The following GLI2 variants were observed in gnomAD, a reference collection of about 807,000 sequenced individuals.
GLI2 encodes GLI family zinc finger 2.
GLI2 carries 22 observed loss-of-function variants against 78.9 expected under a neutral mutation model. That is an observed-to-expected ratio of 0.28 (90% CI 0.20 to 0.40). The LOEUF (loss-of-function observed/expected upper bound fraction) is 0.40. GLI2 is among the 10% of genes least tolerant of loss of function. GLI2 has a pLI of 1.00. For missense variants in GLI2, 2,097 were observed against 2,213.2 expected, an observed-to-expected ratio of 0.95 and a Z score of 1.05; for synonymous variants, 974 against 963.7, an observed-to-expected ratio of 1.01 and a Z score of -0.20.
chr2:120,905,602 G>T (rs1273661890), intron 2 of GLI2, among the ~76,000 whole-genome samples: 1 of 152,182 alleles, frequency 6.6e-6, no homozygotes, highest in Admixed American at 6.5e-5. Context: ...TGGGAGCAGG[G>T]AGTTGCCAAA....
intron 1 of GLI2, among the ~76,000 whole-genome samples, chr2:120,762,028 C>G (rs961932602): frequency 6.6e-6 from 1 of 152,256 alleles, no homozygotes; most frequent in Admixed American, 6.5e-5. Flanking sequence ...GGCAGACATT[C>G]AGATAATGAG....
Position 120,951,229 on chromosome 2 carries a change from C to T in GLI2, c.255-14C>T. ...GTGTCCTCCTTCTTAGACGGCTGCC[C>T]ATTGTCTCTGCAGGCCCCCTGCCCT... is the stretch of plus-strand genomic sequence containing the variant. On this transcript the variant is annotated splice_polypyrimidine_tract_variant and intron_variant, in intron 3 of 13. Coordinates refer to ENST00000361492, the MANE Select transcript of GLI2 (RefSeq NM_001374353.1). The T allele has an allele frequency of 1.3e-6, 2 of 1,519,034 alleles. No individual in the cohort carries two copies. The highest frequency in any genetic ancestry group is 1.8e-6 in the Non-Finnish European group (2 of 1,093,370). The allele number at this position is 1,519,034 out of a possible 1,614,324, so 94.1% of individuals were successfully genotyped here. A position where few individuals can be genotyped will look rare whatever the true frequency, so the allele number is the denominator to read the frequency against.
At chr2:120,923,144 A>G (rs1217544869) in intron 2 of GLI2, among the ~76,000 whole-genome samples, 1 of 12,482 alleles carries the variant, frequency 8.0e-5, no homozygotes, top group Non-Finnish European at 2.4e-4. Flanking sequence ...TATGGCACAC[A>G]TACACATACA....
At chr2:120,814,797 C>T (rs2104734766) in intron 2 of GLI2, among the ~76,000 whole-genome samples, 1 of 141,164 alleles carries the variant, frequency 7.1e-6, no homozygotes, top group African/African-American at 2.6e-5. Flanking sequence ...ACCCCCCGCC[C>T]CCGCTGCATT....
chr2:120,982,641 TG>T, intron 10 of GLI2, 74 bp from the exon 11 acceptor site: 2 of 1,272,148 alleles, frequency 1.6e-6, no homozygotes, highest in Non-Finnish European at 1.1e-6. Context: ...GAGAAGGGGG[TG>T]GGGAGGAAGC....
intron 10 of GLI2, 137 bp downstream of exon 10, chr2:120,978,720 G>A: frequency 1.0e-6 from 1 of 955,724 alleles, no homozygotes; most frequent in Non-Finnish European, 1.6e-6. Flanking sequence ...TGGGACAGGA[G>A]CCTGTTCCCA....
intron 1 of GLI2, among the ~76,000 whole-genome samples, chr2:120,796,332 T>C (rs930383383): frequency 6.6e-6 from 1 of 152,038 alleles, no homozygotes; most frequent in Non-Finnish European, 1.5e-5. Flanking sequence ...CACCATTGTC[T>C]CTCCCTGGGT....
chr2:120,966,355 C>T (rs1477955571), intron 5 of GLI2, among the ~76,000 whole-genome samples: 2 of 152,156 alleles, frequency 1.3e-5, no homozygotes, highest in Non-Finnish European at 2.9e-5. Context: ...CTTATGGCTC[C>T]AGCCCAGGGT....
intron 2 of GLI2, among the ~76,000 whole-genome samples, chr2:120,810,778 G>A (rs972768753): frequency 6.6e-6 from 1 of 152,240 alleles, no homozygotes; most frequent in Non-Finnish European, 1.5e-5. Context: ...CAGAAGTTCA[G>A]GGTTAGATTT....
chr2:120,793,421 A>T (rs970790238), intron 1 of GLI2, among the ~76,000 whole-genome samples: 3 of 152,174 alleles, frequency 2.0e-5, no homozygotes, highest in Non-Finnish European at 4.4e-5. Context: ...TGCTGTCCCC[A>T]GGCAGCCCCT....
intron 2 of GLI2, among the ~76,000 whole-genome samples, chr2:120,809,243 T>A (rs982850837): frequency 6.6e-6 from 1 of 152,172 alleles, no homozygotes; most frequent in South Asian, 2.1e-4. Context: ...AAACATATGC[T>A]AAGAGAAAGA....
intron 5 of GLI2, among the ~76,000 whole-genome samples, chr2:120,964,380 G>T (rs191292614): frequency 6.6e-6 from 1 of 152,360 alleles, no homozygotes; most frequent in East Asian, 1.9e-4. Context: ...AAGTTTTGGG[G>T]AGAGGGCAGG....
At chr2:120,813,609 A>G (rs923082979) in intron 2 of GLI2, among the ~76,000 whole-genome samples, 1 of 152,082 alleles carries the variant, frequency 6.6e-6, no homozygotes, top group African/African-American at 2.4e-5. Flanking sequence ...TCTCCTGACA[A>G]TGTTCTTGTA....
Position 120,990,765 on chromosome 2 carries a change from A to C in GLI2, c.*90A>C. 8.9e-7 allele frequency: 1 copy of C among 1,128,266 alleles called. No individual in the cohort carries two copies. The highest frequency in any genetic ancestry group is 1.5e-5 in the South Asian group (1 of 68,624). 69.9% of individuals were successfully genotyped at this position (1,128,266 alleles called of 1,614,324 possible). ...CAGCTGTCTTGTCTTTTTCCAAAAA[A>C]GTGTTAAATAGGCTTGAGGGGTTGT... On this transcript the variant is annotated 3_prime_UTR_variant, in exon 14 of 14. Transcript: ENST00000361492.
chr2:120,823,376 A>G (rs1233460558), intron 2 of GLI2, among the ~76,000 whole-genome samples: 1 of 152,170 alleles, frequency 6.6e-6, no homozygotes, highest in African/African-American at 2.4e-5. Context: ...CCCCCCCATC[A>G]TTAAGTAAAC....
At chr2:120,920,181 A>G (rs1057382502) in intron 2 of GLI2, among the ~76,000 whole-genome samples, 4 of 152,214 alleles carry the variant, frequency 2.6e-5, no homozygotes, top group East Asian at 1.9e-4. Context: ...GGCATCCCCA[A>G]CACAGCCACT....
chr2:120,969,358 C>T (rs924116590), intron 6 of GLI2, among the ~76,000 whole-genome samples: 2 of 152,172 alleles, frequency 1.3e-5, no homozygotes, highest in Non-Finnish European at 2.9e-5. Context: ...CACCAGCCAC[C>T]CTTCTCCCTT....
At chr2:120,953,919 C>T (rs565812598) in intron 4 of GLI2, among the ~76,000 whole-genome samples, 9 of 152,226 alleles carry the variant, frequency 5.9e-5, no homozygotes, top group South Asian at 4.1e-4. Flanking sequence ...AGGCCTTCGA[C>T]GGATGGAGTG....
rs1329330824 is a variant in GLI2, at chr2:120,741,870, G to C, written c.-31+5585G>C. Among the ~76,000 whole-genome samples the C allele has an allele frequency of 2.0e-5, 3 of 152,270 alleles. No homozygotes were observed. In the East Asian group the frequency reaches 5.8e-4, roughly 29 times the overall value. On this transcript the variant is annotated intron_variant, in intron 1 of 13. Transcript: ENST00000361492. ...CGCCGCCGGCGAGTGGCGGGAGGCC[G>C]GACTCTGCTCGTGGCGAGTCGGGAA...
Sources: allele counts gnomAD v4.1 joint callset (sites outside exome capture counted in the v4.1 genomes callset), GRCh38; gene constraint gnomAD v4.1.1; transcripts MANE v1.5; gene names NCBI Gene and HGNC (gene_info 2026-07-23, HGNC 2026-07-21).